OARD1: variants seen among roughly 807,000 people sequenced by gnomAD.
The protein encoded by OARD1 is O-acyl-ADP-ribose deacylase 1.
In OARD1, 19 loss-of-function variants were observed where a neutral mutation model predicts 19.7. The observed-to-expected ratio is 0.96, with a 90% confidence interval of 0.67 to 1.41. The LOEUF (loss-of-function observed/expected upper bound fraction) is 1.41. Among genes scored for constraint, OARD1 ranks in the 40% most tolerant of loss-of-function variants. The pLI is 0.00. For synonymous variants in OARD1, 70 were observed against 61.8 expected (o/e 1.13, Z -0.62); for missense variants, 190 against 183.8 (o/e 1.03, Z -0.20).
At chr6:41,071,969 C>A (rs1763443265) in intron 1 of OARD1, 1 of 356,104 alleles carries the variant, frequency 2.8e-6, no homozygotes, top group Non-Finnish European at 5.2e-6. Flanking sequence ...AGGGCCACTC[C>A]GGAGCAAGGC....
intron 1 of OARD1, among the ~76,000 whole-genome samples, chr6:41,085,782 C>T (rs1764029316): frequency 6.6e-6 from 1 of 150,840 alleles, no homozygotes; most frequent in Admixed American, 6.6e-5. Flanking sequence ...TCATAATGTT[C>T]AGTCAACTTG....
intron 1 of OARD1, among the ~76,000 whole-genome samples, chr6:41,090,512 T>A (rs1764171459): frequency 6.6e-6 from 1 of 152,234 alleles, no homozygotes; most frequent in Non-Finnish European, 1.5e-5. Context: ...TGTAGCAGTT[T>A]CTATAGTGGT....
At chr6:41,094,511 T>G (rs758357237) in intron 1 of OARD1, 1 of 1,593,274 alleles carries the variant, frequency 6.3e-7, no homozygotes, top group Admixed American at 1.7e-5. Context: ...GGAAGACATA[T>G]ACATTTTATT....
At chr6:41,084,485 G>T (rs182671713) in intron 1 of OARD1, among the ~76,000 whole-genome samples, 1 of 152,162 alleles carries the variant, frequency 6.6e-6, no homozygotes, top group East Asian at 1.9e-4. Flanking sequence ...ACAAAAATGA[G>T]TATTTAGAAA....
rs1763065489 is a variant in OARD1, at chr6:41,067,340, G to C, written c.454C>G (p.Leu152Val). Residue 152 changes from leucine (L) to valine (V), a missense_variant, in exon 6 of 6, where the codon CTC becomes GTC. Transcript: ENST00000424266. ...CATCCAAAATGTTCACTGGTTCAGA[G>C]TGTGTACACAGTAATTTTGATGTCT... ...ATDIKITVYT[L>V] The C allele has an allele frequency of 6.3e-7, 1 of 1,597,956 alleles. No individual in the cohort carries two copies. The highest frequency in any genetic ancestry group is 8.6e-7 in the Non-Finnish European group (1 of 1,165,524).
chr6:41,075,840 C>T (rs1023502728), upstream of OARD1: 5 of 151,964 alleles, frequency 3.3e-5, no homozygotes, highest in African/African-American at 1.2e-4. Context: ...GTTTTTAGTC[C>T]ATTACTAAAC....
chr6:41,096,737 A>G (rs536195297), intron 1 of OARD1, among the ~76,000 whole-genome samples: 4 of 152,166 alleles, frequency 2.6e-5, no homozygotes, highest in Middle Eastern at 6.8e-3. Context: ...TCCTTGTGTT[A>G]ACACGGTAGG....
chr6:41,092,967 C>T (rs1258017435), intron 1 of OARD1: 1 of 1,614,034 alleles, frequency 6.2e-7, no homozygotes, highest in Non-Finnish European at 8.5e-7. Context: ...CTACCTGGAG[C>T]AGAGATGCTT....
intron 1 of OARD1, among the ~76,000 whole-genome samples, chr6:41,081,991 AC>A (rs1763923477): frequency 6.6e-6 from 1 of 152,226 alleles, no homozygotes; most frequent in African/African-American, 2.4e-5. Context: ...TATGTAGGTT[AC>A]TTTTATTAAA....
rs1237670086 is a variant in OARD1, at chr6:41,068,938, C to T, written c.259G>A (p.Ala87Thr). Residue 87 changes from alanine to threonine, a missense_variant, in exon 5 of 6, where the codon GCT (alanine) becomes ACT (threonine). Transcript: ENST00000424266. ...YIYYLITKKR[A>T]SHKPTYENLQ... ...TTTTCATAAGTTGGCTTGTGCGAAG[C>T]CCTTTTCTTTGTAATCTGAACACAA... The T allele has an allele frequency of 6.3e-7, 1 of 1,599,592 alleles. No individual in the cohort carries two copies. Among genetic ancestry groups the T allele is most frequent in the African/African-American group, 1.3e-5 (1 of 74,314 alleles).
chr6:41,071,999 T>C (rs955073138), intron 1 of OARD1, among the ~76,000 whole-genome samples: 16 of 152,252 alleles, frequency 1.1e-4, no homozygotes, highest in Middle Eastern at 3.2e-3. Flanking sequence ...ACGGTCTCCT[T>C]TTCTCTGCAC....
At chr6:41,084,829 G>T (rs995161810) in intron 1 of OARD1, among the ~76,000 whole-genome samples, 1 of 152,200 alleles carries the variant, frequency 6.6e-6, no homozygotes, top group Admixed American at 6.5e-5. Context: ...GGGCGTGGTG[G>T]CACGCACCTG....
At chr6:41,093,204 G>C (rs960371903) in intron 1 of OARD1, 1 of 828,436 alleles carries the variant, frequency 1.2e-6, no homozygotes, top group Admixed American at 3.2e-5. Flanking sequence ...TTAGATACTT[G>C]TTGTCTCTTT....
chr6:41,071,101 G>A, intron 3 of OARD1, 31 bp downstream of exon 3: 1 of 1,610,788 alleles, frequency 6.2e-7, no homozygotes. Flanking sequence ...TCTAGCCAGG[G>A]CAAACCAGGT....
chr6:41,097,390 C>T (rs1342158004), intron 1 of OARD1: 9 of 1,613,920 alleles, frequency 5.6e-6, no homozygotes, highest in Non-Finnish European at 7.6e-6. Flanking sequence ...AGCAATGACA[C>T]AGATCATCCG....
intron 1 of OARD1, chr6:41,084,060 A>G (rs1763979255): frequency 6.2e-7 from 1 of 1,608,690 alleles, no homozygotes. Context: ...AAGGGCAGCC[A>G]TTAATGGTGC....
chr6:41,088,524 T>A (rs1351277206), intron 1 of OARD1, among the ~76,000 whole-genome samples: 1 of 152,130 alleles, frequency 6.6e-6, no homozygotes, highest in Non-Finnish European at 1.5e-5. Context: ...AAGGCCCTTA[T>A]CAAGGTGTTG....
rs377112128 is a variant in OARD1, at chr6:41,091,511, G to A, written c.-42+6202C>T. The A allele has an allele frequency of 5.0e-6, 8 of 1,612,064 alleles. No homozygotes were observed. The African/African-American group carries it at 9.4e-5, about 19-fold the overall frequency. ...TGTGCCTGTTTTTTGTTTGTTTTATGTTTTGTTTTCTTAAAGTTACAGTCC... is the reference window on the plus strand; with the variant it reads ...TGTGCCTGTTTTTTGTTTGTTTTATATTTTGTTTTCTTAAAGTTACAGTCC... On this transcript the variant is annotated intron_variant, in intron 1 of 4. Coordinates refer to the OARD1 transcript ENST00000480585.
In OARD1 at chr6:41,093,690, C is replaced by T. The variant is rs555323252; in HGVS notation, c.-42+4023G>A. Among the ~76,000 whole-genome samples the T allele has an allele frequency of 1.1e-4, 17 of 152,270 alleles. No individual in the cohort carries two copies. The East Asian group carries it at 3.3e-3, about 29-fold the overall frequency. ...TTCACCATGTTGGCCAGGCTGGTCT[C>T]GAACTCCTGACCTCAGGTGATCCAC... On this transcript the variant is annotated intron_variant, in intron 1 of 4. Coordinates refer to the OARD1 transcript ENST00000480585.
Sources: allele counts gnomAD v4.1 joint callset (sites outside exome capture counted in the v4.1 genomes callset), GRCh38; gene constraint gnomAD v4.1.1; transcripts MANE v1.5; gene names NCBI Gene and HGNC (gene_info 2026-07-23, HGNC 2026-07-21).